COL19A1: variants seen among roughly 807,000 people sequenced by gnomAD.
The protein encoded by COL19A1 is collagen alpha-1(XIX) chain.
COL19A1 carries 159 observed loss-of-function variants against 190.2 expected under a neutral mutation model. The ratio of observed to expected loss-of-function variants is 0.84; its 90% CI spans 0.73 to 0.95. The LOEUF is 0.95. COL19A1 is among the 40% of genes least tolerant of loss of function. COL19A1 has a pLI of 0.00. For synonymous variants in COL19A1, 509 were observed against 458.9 expected (o/e 1.11, Z -1.39); for missense variants, 1,418 against 1,431.9 (o/e 0.99, Z 0.16).
intron 47 of COL19A1, among the ~76,000 whole-genome samples, chr6:70,188,983 ACT>A (rs895173409): frequency 2.0e-5 from 3 of 151,952 alleles, no homozygotes; most frequent in Admixed American, 1.3e-4. Context: ...CTGTCCTGAA[ACT>A]CTACTTGAAT....
chr6:69,887,348 T>G (rs925933697), intron 2 of COL19A1, among the ~76,000 whole-genome samples: 3 of 152,048 alleles, frequency 2.0e-5, no homozygotes, highest in Non-Finnish European at 4.4e-5. Flanking sequence ...TTTTTTTGAG[T>G]TTTTCAAGAG....
chr6:70,153,369 G>A (rs1787200900), intron 31 of COL19A1, among the ~76,000 whole-genome samples: 1 of 152,106 alleles, frequency 6.6e-6, no homozygotes, highest in Admixed American at 6.5e-5. Context: ...CCTTCTTCTA[G>A]ATTAATCAGC....
At chr6:70,143,794 G>T (rs1320988371) in intron 23 of COL19A1, among the ~76,000 whole-genome samples, 1 of 151,984 alleles carries the variant, frequency 6.6e-6, no homozygotes, top group Non-Finnish European at 1.5e-5. Flanking sequence ...CTCAAAAACT[G>T]AGACTAAGTG....
Position 70,063,841 on chromosome 6 carries a change from A to G in COL19A1, c.1171-4582A>G, listed in dbSNP as rs147848846. 3.2e-3 allele frequency among the ~76,000 whole-genome samples: 484 copies of G among 152,350 alleles called. 4 individuals carry two copies. In the East Asian group the frequency reaches 0.036, roughly 11 times the overall value. On this transcript the variant is annotated intron_variant, in intron 14 of 50. Transcript: ENST00000620364. ...ATACAAACTACCATAAGAGAATACT[A>G]TAAACACCTCTATGGAAATAAACTA...
intron 16 of COL19A1, among the ~76,000 whole-genome samples, chr6:70,104,088 C>T (rs1783805285): frequency 6.6e-6 from 1 of 152,152 alleles, no homozygotes; most frequent in Admixed American, 6.6e-5. Context: ...TTTCATTTCA[C>T]TTTAGCCATT....
chr6:69,867,014 A>G (rs1767491338), intron 1 of COL19A1, among the ~76,000 whole-genome samples: 1 of 152,064 alleles, frequency 6.6e-6, no homozygotes, highest in African/African-American at 2.4e-5. Context: ...GGGTAGGGAC[A>G]GACATCAAAT....
At chr6:69,974,362 G>A (rs1775592784) in intron 11 of COL19A1, among the ~76,000 whole-genome samples, 1 of 152,210 alleles carries the variant, frequency 6.6e-6, no homozygotes, top group Admixed American at 6.5e-5. Context: ...CAGCCCTGGG[G>A]AGGAGTGTGG....
intron 15 of COL19A1, among the ~76,000 whole-genome samples, chr6:70,078,378 G>A (rs1043796145): frequency 6.6e-6 from 1 of 152,226 alleles, no homozygotes; most frequent in Non-Finnish European, 1.5e-5. Context: ...CAGAGTGAGG[G>A]AAGCAGACAA....
At chr6:69,963,485 A>G (rs1774919298) in intron 11 of COL19A1, among the ~76,000 whole-genome samples, 1 of 152,188 alleles carries the variant, frequency 6.6e-6, no homozygotes, top group African/African-American at 2.4e-5. Context: ...GGCTGGAGAC[A>G]GGAGCTGAGG....
chr6:70,199,832 C>T (rs1237156083), intron 49 of COL19A1, 96 bp downstream of exon 49: 7 of 1,179,702 alleles, frequency 5.9e-6, no homozygotes, highest in Non-Finnish European at 8.3e-6. Flanking sequence ...GTATGTATGT[C>T]CTTTATTTAT....
intron 44 of COL19A1, among the ~76,000 whole-genome samples, chr6:70,181,160 G>T (rs1766153021): frequency 6.6e-6 from 1 of 152,196 alleles, no homozygotes; most frequent in South Asian, 2.1e-4. Context: ...CACTCTCAGA[G>T]TTATCCTTTA....
At chr6:70,090,301 A>G (rs2150174443) in intron 15 of COL19A1, among the ~76,000 whole-genome samples, 1 of 152,300 alleles carries the variant, frequency 6.6e-6, no homozygotes, top group South Asian at 2.1e-4. Flanking sequence ...TGAAAAGAAA[A>G]TATGGTTACA....
At position 69,960,094 on chromosome 6, in the gene COL19A1, T is replaced by A. The variant is rs1582529242; in HGVS notation, c.981+54T>A. ...GTTAAGAATTTTAACGTGTTAAAAATAAATTTGCACATAATATTCTGAAAT... is the reference window on the plus strand; with the variant it reads ...GTTAAGAATTTTAACGTGTTAAAAAAAAATTTGCACATAATATTCTGAAAT... On this transcript the variant is annotated intron_variant, in intron 10 of 50. Transcript: ENST00000620364. 11 of 1,512,638 alleles carry A rather than the reference T, an allele frequency of 7.3e-6. No individual in the cohort carries two copies. The East Asian group carries it at 2.5e-4, about 34-fold the overall frequency. The allele number at this position is 1,512,638 out of a possible 1,614,324, so 93.7% of individuals were successfully genotyped here.
rs6455356 is a variant in COL19A1 at position 70,183,201 on chromosome 6, G to A, written c.2776-1502G>A. On this transcript the variant is annotated intron_variant, in intron 44 of 50. Coordinates refer to ENST00000620364, the MANE Select transcript of COL19A1 (RefSeq NM_001858.6). ...CATCTGCTGTTGAACATTTGGGTTG[G>A]AACAAGCGAGCAAAGATACGTGGTT... Among the ~76,000 whole-genome samples, 366 of 152,254 alleles carry A rather than the reference G, an allele frequency of 2.4e-3. 2 individuals carry two copies. The highest frequency in any genetic ancestry group is 8.4e-3 in the African/African-American group (351 of 41,550).
At chr6:69,901,689 T>G (rs1204994868) in intron 4 of COL19A1, among the ~76,000 whole-genome samples, 1 of 152,228 alleles carries the variant, frequency 6.6e-6, no homozygotes, top group Non-Finnish European at 1.5e-5. Context: ...ATTTAGATGT[T>G]TCTTAACTAG....
At chr6:70,029,184 T>A (rs1332471313) in intron 12 of COL19A1, among the ~76,000 whole-genome samples, 2 of 152,150 alleles carry the variant, frequency 1.3e-5, no homozygotes, top group Non-Finnish European at 2.9e-5. Context: ...CATTAAGTCA[T>A]TGAAAGCTTG....
At chr6:69,947,905 C>G (rs1366460260) in intron 9 of COL19A1, among the ~76,000 whole-genome samples, 1 of 151,788 alleles carries the variant, frequency 6.6e-6, no homozygotes, top group Non-Finnish European at 1.5e-5. Flanking sequence ...AAAACAATAC[C>G]TTGCTGCAAG....
chr6:70,119,826 C>A (rs954400248), intron 16 of COL19A1, among the ~76,000 whole-genome samples: 1 of 152,208 alleles, frequency 6.6e-6, no homozygotes, highest in Admixed American at 6.5e-5. Context: ...CCCGCTGGCT[C>A]ACGCCTGTAA....
At chr6:69,886,219 A>G (rs1768922883) in intron 2 of COL19A1, among the ~76,000 whole-genome samples, 2 of 152,254 alleles carry the variant, frequency 1.3e-5, no homozygotes, top group African/African-American at 4.8e-5. Context: ...TCCAACAGGT[A>G]TATGAAAAAG....
Sources: allele counts gnomAD v4.1 joint callset (sites outside exome capture counted in the v4.1 genomes callset), GRCh38; gene constraint gnomAD v4.1.1; transcripts MANE v1.5; gene names NCBI Gene and HGNC (gene_info 2026-07-23, HGNC 2026-07-21).